The following FRK variants were observed in gnomAD, a reference collection of about 807,000 sequenced individuals.
FRK encodes fyn related Src family tyrosine kinase, also known as tyrosine-protein kinase FRK.
In FRK, 51 loss-of-function variants were observed where a neutral mutation model predicts 56.4. The ratio of observed to expected loss-of-function variants is 0.90; its 90% CI spans 0.72 to 1.14. FRK has a LOEUF of 1.14. FRK is among the 50% of genes most tolerant of loss of function. FRK has a pLI of 0.00. For synonymous variants in FRK, 245 were observed against 217.9 expected (o/e 1.12, Z -1.10); for missense variants, 570 against 601.4 (o/e 0.95, Z 0.55).
At chr6:116,020,084 T>C (rs1327289387) in intron 1 of FRK, among the ~76,000 whole-genome samples, 1 of 152,090 alleles carries the variant, frequency 6.6e-6, no homozygotes, top group African/African-American at 2.4e-5. Context: ...AACAAAAAAA[T>C]TGATCAAACA....
At chr6:116,028,746 C>T (rs1356412204) in intron 1 of FRK, among the ~76,000 whole-genome samples, 3 of 152,114 alleles carry the variant, frequency 2.0e-5, no homozygotes, top group African/African-American at 7.2e-5. Context: ...CTCCTCCTAA[C>T]TAACTAGATC....
At chr6:116,070,572 A>G in the FRK span, among the ~76,000 whole-genome samples, 1 of 152,194 alleles carries the variant, frequency 6.6e-6, no homozygotes, top group South Asian at 2.1e-4. Context: ...AGCTTTTGCA[A>G]AATCTCAATA....
intron 1 of FRK, among the ~76,000 whole-genome samples, chr6:116,029,116 C>T (rs918253749): frequency 2.6e-5 from 4 of 152,108 alleles, no homozygotes; most frequent in Admixed American, 6.6e-5. Flanking sequence ...CTGCCTGGAA[C>T]GCTCTTCACT....
intron 1 of FRK, among the ~76,000 whole-genome samples, chr6:116,036,722 AT>A (rs1776497238): frequency 6.6e-6 from 1 of 152,166 alleles, no homozygotes; most frequent in African/African-American, 2.4e-5. Context: ...AAGGAAAAAA[AT>A]AATACTTTAT....
At chr6:115,984,115 G>A (rs1225541162) in intron 2 of FRK, among the ~76,000 whole-genome samples, 1 of 152,026 alleles carries the variant, frequency 6.6e-6, no homozygotes. Flanking sequence ...CAGTGTAAGC[G>A]AGCAGAGTAG....
chr6:115,995,391 C>A (rs1301706777), intron 2 of FRK, among the ~76,000 whole-genome samples: 2 of 152,112 alleles, frequency 1.3e-5, no homozygotes, highest in Non-Finnish European at 2.9e-5. Context: ...TCTCACATGA[C>A]TTATCAACTT....
At chr6:116,024,377 C>A (rs1179399430) in intron 1 of FRK, among the ~76,000 whole-genome samples, 2 of 151,632 alleles carry the variant, frequency 1.3e-5, no homozygotes, top group Admixed American at 6.6e-5. Flanking sequence ...AACTCGTCAT[C>A]TAGCATTAGG....
rs796192091 is a variant in FRK, at chr6:116,047,397, CT to C, written c.344+12570del. Reference sequence around the variant, plus strand: ...TGGAGGCAGCTGTGTTCCACTTCCTCTTTTTTTTTTTTTTAATTGAGATGGA... The same window carrying C: ...TGGAGGCAGCTGTGTTCCACTTCCTCTTTTTTTTTTTTTAATTGAGATGGA... On this transcript the variant is annotated intron_variant, in intron 1 of 7. Coordinates refer to ENST00000606080, the MANE Select transcript of FRK (RefSeq NM_002031.3). Among the ~76,000 whole-genome samples, 669 of 137,830 alleles carry C rather than the reference CT, an allele frequency of 4.9e-3. 7 individuals are homozygous for C. The highest frequency in any genetic ancestry group is 0.036 in the East Asian group (168 of 4,730). 90.4% of individuals were successfully genotyped at this position (137,830 alleles called of 152,430 possible).
intron 2 of FRK, among the ~76,000 whole-genome samples, chr6:115,998,073 G>C (rs1774910962): frequency 6.6e-6 from 1 of 152,220 alleles, no homozygotes; most frequent in Non-Finnish European, 1.5e-5. Context: ...AAGAGCAACA[G>C]AGGGGCCCTA....
At chr6:115,975,779 T>C (rs1190188731) in intron 2 of FRK, among the ~76,000 whole-genome samples, 1 of 152,166 alleles carries the variant, frequency 6.6e-6, no homozygotes, top group African/African-American at 2.4e-5. Context: ...AGCTAAAAGA[T>C]CAAAGATCCT....
chr6:115,982,900 C>T (rs1020960847), intron 2 of FRK, among the ~76,000 whole-genome samples: 1 of 151,840 alleles, frequency 6.6e-6, no homozygotes, highest in South Asian at 2.1e-4. Flanking sequence ...GGTGAAAACC[C>T]ATCTCTACTA....
chr6:115,944,172 A>G, intron 6 of FRK, 72 bp downstream of exon 6: 3 of 1,193,598 alleles, frequency 2.5e-6, no homozygotes, highest in South Asian at 1.5e-5. Flanking sequence ...GAATAACAGT[A>G]TATCTATTGG....
the FRK span, among the ~76,000 whole-genome samples, chr6:116,074,622 C>T: frequency 6.6e-6 from 1 of 152,064 alleles, no homozygotes; most frequent in Non-Finnish European, 1.5e-5. Flanking sequence ...TGAGGTAGGA[C>T]CATCCATATA....
At chr6:116,029,374 T>G (rs1776215998) in intron 1 of FRK, among the ~76,000 whole-genome samples, 1 of 152,186 alleles carries the variant, frequency 6.6e-6, no homozygotes, top group Admixed American at 6.5e-5. Context: ...CCTAAAATCA[T>G]GCTCAGATAA....
At chr6:116,057,239 G>A (rs1777433565) in intron 1 of FRK, among the ~76,000 whole-genome samples, 1 of 152,042 alleles carries the variant, frequency 6.6e-6, no homozygotes, top group Admixed American at 6.5e-5. Flanking sequence ...TCAACTTACT[G>A]AGCTCATGAT....
Position 115,931,469 on chromosome 6 carries a change from T to C in FRK, c.*10945A>G, listed in dbSNP as rs927761255. 6.6e-6 allele frequency: 1 copy of C among 152,192 alleles called. No homozygotes were observed. The allele number at this position is 152,192 out of a possible 1,614,324, so 9.4% of individuals were successfully genotyped here. On this transcript the variant is annotated 3_prime_UTR_variant, in exon 8 of 8. Coordinates refer to ENST00000606080, the MANE Select transcript of FRK (RefSeq NM_002031.3). ...CCTGTTGCTACATATAAATTAGTCA[T>C]ATGTAATATGTGTCACATGTAACTG...
At chr6:116,012,238 T>C (rs1023668157) in intron 1 of FRK, among the ~76,000 whole-genome samples, 27 of 152,168 alleles carry the variant, frequency 1.8e-4, no homozygotes, top group Non-Finnish European at 4.0e-4. Flanking sequence ...TCTCCCCACA[T>C]ACACATAAAT....
chr6:116,010,881 G>GATTC (rs1349335883), intron 1 of FRK, among the ~76,000 whole-genome samples: 3 of 152,142 alleles, frequency 2.0e-5, no homozygotes, highest in Non-Finnish European at 4.4e-5. Context: ...GTCATGCTGG[G>GATTC]ACACGAGTGA....
chr6:115,968,625 G>T lies in FRK; in HGVS notation c.581C>A (p.Thr194Asn), dbSNP rs751691209. The change falls in exon 3 of 8, where the codon ACC (threonine) becomes AAC (asparagine). Residue 194 changes from threonine to asparagine, a missense_variant. By Grantham distance (65) the Thr-to-Asn change is moderately conservative (BLOSUM62 0). Coordinates refer to ENST00000606080, the MANE Select transcript of FRK (RefSeq NM_002031.3). The stretch of plus-strand genomic sequence containing the variant: ...GACACACAGGCCGTCACTTGTCTTG[G>T]TGTAGTGGCTCACAAATTCGTTCAG... ...STLNEFVSHYTKTSDGLCVKL... is the reference protein window; with the variant it reads ...STLNEFVSHYNKTSDGLCVKL... 2 of 1,613,892 alleles carry T rather than the reference G, an allele frequency of 1.2e-6. No homozygotes were observed. The highest frequency in any genetic ancestry group is 1.7e-6 in the Non-Finnish European group (2 of 1,179,844).
Sources: gnomAD v4.1 joint callset for allele counts (sites outside exome capture counted in the v4.1 genomes callset) on GRCh38, gnomAD v4.1.1 for gene constraint, MANE v1.5 for transcripts, NCBI Gene and HGNC (gene_info 2026-07-23, HGNC 2026-07-21) for gene names.